Variants in WDR7 observed in about 807,000 individuals in gnomAD.
WDR7 encodes the protein WD repeat-containing protein 7.
WDR7 carries 46 observed loss-of-function variants against 169.4 expected under a neutral mutation model. The observed-to-expected ratio is 0.27, with a 90% CI of 0.21 to 0.35. WDR7 has a LOEUF of 0.35. Among genes scored for constraint, WDR7 ranks in the 10% least tolerant of loss-of-function variants. The pLI, the probability that WDR7 is intolerant of heterozygous loss-of-function variation, is 1.00. For synonymous variants in WDR7, 612 were observed against 666.8 expected (o/e 0.92, Z 1.27); for missense variants, 1,534 against 1,859.3 (o/e 0.83, Z 3.22).
intron 16 of WDR7, among the ~76,000 whole-genome samples, chr18:56,759,190 A>G (rs1344724562): frequency 6.6e-6 from 1 of 152,182 alleles, no homozygotes; most frequent in African/African-American, 2.4e-5. Context: ...TCTTTGGACT[A>G]ATTTTTATGC....
intron 14 of WDR7, among the ~76,000 whole-genome samples, chr18:56,754,827 T>C (rs912855859): frequency 1.3e-5 from 2 of 152,204 alleles, no homozygotes; most frequent in African/African-American, 2.4e-5. Context: ...GAAATAAATA[T>C]ATTGGATCAA....
intron 12 of WDR7, among the ~76,000 whole-genome samples, chr18:56,709,867 G>A (rs1012795390): frequency 6.6e-6 from 1 of 151,780 alleles, no homozygotes; most frequent in African/African-American, 2.4e-5. Flanking sequence ...CTTTAAAAAT[G>A]TGGTATAGTT....
chr18:56,791,006 T>G (rs939002609), intron 19 of WDR7, among the ~76,000 whole-genome samples: 2 of 152,228 alleles, frequency 1.3e-5, no homozygotes, highest in African/African-American at 4.8e-5. Flanking sequence ...TTTTCTGTGT[T>G]TGTTCTGTAA....
intron 14 of WDR7, among the ~76,000 whole-genome samples, chr18:56,737,048 G>A (rs1193285821): frequency 6.6e-6 from 1 of 152,166 alleles, no homozygotes; most frequent in Non-Finnish European, 1.5e-5. Context: ...TGTGATTTCT[G>A]TTAAAAGGAA....
At chr18:56,718,188 G>C in intron 13 of WDR7, 29 bp downstream of exon 13, 1 of 1,458,700 alleles carries the variant, frequency 6.9e-7, no homozygotes. Context: ...AGATACTATA[G>C]AAAATTAAAT....
chr18:56,760,575 T>C (rs1369359249), intron 16 of WDR7, among the ~76,000 whole-genome samples: 1 of 152,232 alleles, frequency 6.6e-6, no homozygotes, highest in East Asian at 1.9e-4. Flanking sequence ...TCTCTTTTTT[T>C]GGTCATTAGA....
intron 20 of WDR7, among the ~76,000 whole-genome samples, chr18:56,855,515 C>T (rs2045707421): frequency 6.6e-6 from 1 of 152,182 alleles, no homozygotes; most frequent in Non-Finnish European, 1.5e-5. Flanking sequence ...TTCCTACAGA[C>T]ATAAAAGCTG....
intron 12 of WDR7, among the ~76,000 whole-genome samples, chr18:56,704,385 A>AG (rs1465383941): frequency 2.0e-5 from 3 of 150,666 alleles, no homozygotes; most frequent in African/African-American, 4.9e-5. Context: ...AAAAAAGAAA[A>AG]AAAAAAAGCT....
At chr18:56,735,234 G>T (rs1270460225) in intron 14 of WDR7, among the ~76,000 whole-genome samples, 1 of 152,126 alleles carries the variant, frequency 6.6e-6, no homozygotes, top group Admixed American at 6.5e-5. Context: ...TGTTGCATAA[G>T]TTGAATAAAT....
chr18:56,675,285 C>CA (rs1437670185), intron 2 of WDR7, among the ~76,000 whole-genome samples: 4 of 152,052 alleles, frequency 2.6e-5, no homozygotes, highest in African/African-American at 9.7e-5. Flanking sequence ...TATGTTGACT[C>CA]ACTAGATCAA....
At chr18:56,810,976 C>G (rs1197749705) in intron 19 of WDR7, among the ~76,000 whole-genome samples, 2 of 152,286 alleles carry the variant, frequency 1.3e-5, no homozygotes, top group African/African-American at 4.8e-5. Context: ...GGCCAATCTA[C>G]ACATTTACTT....
At chr18:56,908,671 A>G (rs2046512506) in intron 21 of WDR7, among the ~76,000 whole-genome samples, 1 of 152,192 alleles carries the variant, frequency 6.6e-6, no homozygotes, top group African/African-American at 2.4e-5. Flanking sequence ...CATATTCAAA[A>G]TTGAAACTAC....
chr18:56,851,336 T>G (rs1380118156), intron 20 of WDR7, among the ~76,000 whole-genome samples: 1 of 152,110 alleles, frequency 6.6e-6, no homozygotes, highest in African/African-American at 2.4e-5. Context: ...CCAACGCTGT[T>G]CCCACCCTAT....
chr18:56,878,486 AT>A (rs2046059976), intron 20 of WDR7, among the ~76,000 whole-genome samples: 1 of 152,162 alleles, frequency 6.6e-6, no homozygotes, highest in South Asian at 2.1e-4. Flanking sequence ...TCCAAAGTAG[AT>A]GCCCAATAAA....
At chr18:56,812,461 AG>A (rs2044886274) in intron 19 of WDR7, among the ~76,000 whole-genome samples, 1 of 152,212 alleles carries the variant, frequency 6.6e-6, no homozygotes, top group Non-Finnish European at 1.5e-5. Context: ...TAGAGAGAAC[AG>A]GGGACTTATT....
At chr18:56,985,473 A>G (rs2047700889) in intron 26 of WDR7, among the ~76,000 whole-genome samples, 1 of 152,110 alleles carries the variant, frequency 6.6e-6, no homozygotes, top group Non-Finnish European at 1.5e-5. Context: ...AGGTGGGGGA[A>G]GTTGAAGTTT....
chr18:56,926,462 T>G (rs930307058), intron 22 of WDR7, among the ~76,000 whole-genome samples: 15 of 152,226 alleles, frequency 9.9e-5, no homozygotes, highest in Non-Finnish European at 1.5e-4. Context: ...TACACTGTTT[T>G]GTTGCCTGGG....
intron 26 of WDR7, among the ~76,000 whole-genome samples, chr18:56,988,278 AC>A (rs1315594350): frequency 1.4e-4 from 22 of 151,986 alleles, no homozygotes; most frequent in Non-Finnish European, 2.9e-4. Context: ...GTGCTTCTAA[AC>A]CTCTAGGGGT....
At chr18:56,801,856 G>C (rs532846502) in intron 19 of WDR7, among the ~76,000 whole-genome samples, 105 of 152,074 alleles carry the variant, frequency 6.9e-4, no homozygotes, top group Non-Finnish European at 1.2e-3. Flanking sequence ...CACCTGTTTA[G>C]GGACATCTGG....
Sources: gnomAD v4.1 joint callset for allele counts (sites outside exome capture counted in the v4.1 genomes callset) on GRCh38, gnomAD v4.1.1 for gene constraint, MANE v1.5 for transcripts, NCBI Gene and HGNC (gene_info 2026-07-23, HGNC 2026-07-21) for gene names.